FREM1: variants seen among roughly 807,000 people sequenced by gnomAD.
FREM1 encodes the protein FRAS1-related extracellular matrix protein 1.
Under a neutral mutation model 210.1 loss-of-function variants are expected in FREM1, and 220 were observed. That is an observed-to-expected ratio of 1.05 (90% confidence interval 0.94 to 1.17). The LOEUF (loss-of-function observed/expected upper bound fraction) is 1.17. Ranked by LOEUF, FREM1 falls within the 50% of genes most tolerant of loss-of-function variation. The probability of loss-of-function intolerance (pLI) is 0.00; values close to 1 mark genes in which losing one functional copy is unlikely to be tolerated. For missense variants in FREM1, 3,454 were observed against 2,675.5 expected, an observed-to-expected ratio of 1.29 and a Z score of -6.42; for synonymous variants, 1,189 against 980.2, an observed-to-expected ratio of 1.21 and a Z score of -3.98.
At chr9:14,747,588 A>G in intron 32 of FREM1, 93 bp downstream of exon 32, 2 of 1,016,630 alleles carry the variant, frequency 2.0e-6, no homozygotes, top group East Asian at 5.5e-5. Context: ...TTTTAAGAGA[A>G]ATGTATAAAT....
rs775433804 is a variant in FREM1 at position 14,740,206 on chromosome 9, A to G, written c.6283T>C (p.Ser2095Pro). ...CAGAGCCACCGCATGTGCTGCCTGG[A>G]GAATACAGTTACAAGGTTGCCCAGG... Reference protein sequence around the residue: ...QYLGNLVTVFSRQHMRWLWDI... With the variant: ...QYLGNLVTVFPRQHMRWLWDI... The change falls in exon 36 of 37, where the codon TCC (serine) becomes CCC (proline). Residue 2095 changes from serine (S) to proline (P), a missense_variant. Transcript: ENST00000380880. 3 of 1,613,302 alleles carry G rather than the reference A, an allele frequency of 1.9e-6. No homozygotes were observed. In the South Asian group the frequency reaches 3.3e-5, roughly 18 times the overall value.
At chr9:14,844,020 A>G (rs1461334357) in intron 8 of FREM1, among the ~76,000 whole-genome samples, 1 of 152,208 alleles carries the variant, frequency 6.6e-6, no homozygotes, top group Non-Finnish European at 1.5e-5. Context: ...ATCTAATATC[A>G]TAAAGTTGAT....
intron 19 of FREM1, among the ~76,000 whole-genome samples, chr9:14,802,801 G>C (rs1268565937): frequency 2.0e-5 from 3 of 152,124 alleles, no homozygotes; most frequent in African/African-American, 7.2e-5. Flanking sequence ...ACCCAAGTCA[G>C]GTAAGACTGC....
chr9:14,823,188 A>T lies in FREM1; in HGVS notation c.2309T>A (p.Ile770Asn). The change falls in exon 13 of 37, where the codon ATC (isoleucine) becomes AAC (asparagine). Residue 770 changes from isoleucine to asparagine, a missense_variant. Physicochemically the swap from Ile to Asn is moderately radical, Grantham distance 149. Coordinates refer to ENST00000380880, the MANE Select transcript of FREM1 (RefSeq NM_001379081.2). ...TLHGICFNIT[I>N]LPVDNQVPEA... The stretch of plus-strand genomic sequence containing the variant: ...AGGAACTTGATTGTCCACTGGGAGG[A>T]TTGTAATGTTAAAGCAGATCCCATG... 6.2e-7 allele frequency: 1 copy of T among 1,613,766 alleles called. No homozygotes were observed. The highest frequency in any genetic ancestry group is 8.5e-7 in the Non-Finnish European group (1 of 1,179,794).
chr9:14,839,571 A>T (rs1825267511), intron 10 of FREM1, among the ~76,000 whole-genome samples: 1 of 152,194 alleles, frequency 6.6e-6, no homozygotes, highest in African/African-American at 2.4e-5. Flanking sequence ...AAACCTATCC[A>T]TCACAGGGAA....
intron 1 of FREM1, among the ~76,000 whole-genome samples, chr9:14,895,758 A>G (rs894937572): frequency 6.6e-6 from 1 of 151,986 alleles, no homozygotes; most frequent in Non-Finnish European, 1.5e-5. Flanking sequence ...GTGGCCCTTG[A>G]CATACTGACG....
chr9:14,812,693 T>C (rs1391961800), intron 16 of FREM1, 119 bp downstream of exon 16: 8 of 1,025,296 alleles, frequency 7.8e-6, no homozygotes, highest in Non-Finnish European at 9.8e-6. Context: ...AGGCTGCAGC[T>C]GCTTCTTGTT....
chr9:14,767,650 C>T (rs1846678412), intron 27 of FREM1, among the ~76,000 whole-genome samples: 1 of 152,090 alleles, frequency 6.6e-6, no homozygotes, highest in Non-Finnish European at 1.5e-5. Flanking sequence ...GGAAGATGAA[C>T]CACTATTCAT....
intron 23 of FREM1, among the ~76,000 whole-genome samples, chr9:14,785,929 CACT>C (rs959304822): frequency 1.3e-4 from 20 of 151,962 alleles, no homozygotes; most frequent in African/African-American, 4.4e-4. Context: ...CATAATTCAC[CACT>C]ATTTTTTTTA....
chr9:14,821,734 G>A lies in FREM1; in HGVS notation c.2337+1426C>T, dbSNP rs550358629. Among the ~76,000 whole-genome samples, 14 of 152,348 alleles carry A rather than the reference G, an allele frequency of 9.2e-5. No individual in the cohort carries two copies. In the South Asian group the frequency reaches 2.9e-3, roughly 32 times the overall value. On this transcript the variant is annotated intron_variant, in intron 13 of 36. Coordinates refer to ENST00000380880, the MANE Select transcript of FREM1 (RefSeq NM_001379081.2). ...CCAGTGATAGAAATAAGTGTGGTGA[G>A]TTGGATGGGGGCTTAGATGGTCTGG...
At chr9:14,840,311 G>A (rs1191150939) in intron 10 of FREM1, among the ~76,000 whole-genome samples, 2 of 152,122 alleles carry the variant, frequency 1.3e-5, no homozygotes, top group African/African-American at 2.4e-5. Flanking sequence ...CAAAATGTAC[G>A]TACATAGTAG....
rs201975489 is a variant in FREM1, at chr9:14,748,654, G to C, written c.5558-15C>G. 23 of 1,541,204 alleles carry C rather than the reference G, an allele frequency of 1.5e-5. No individual in the cohort carries two copies. The African/African-American group carries it at 2.2e-4, about 15-fold the overall frequency. ...ATGGCATTGTCCTGGAGGCATGCAAGATGGCAGGCGGTCAGTTCATTTTAC... is the reference window on the plus strand; with the variant it reads ...ATGGCATTGTCCTGGAGGCATGCAACATGGCAGGCGGTCAGTTCATTTTAC... On this transcript the variant is annotated splice_polypyrimidine_tract_variant and intron_variant, in intron 30 of 36. Coordinates refer to ENST00000380880, the MANE Select transcript of FREM1 (RefSeq NM_001379081.2).
intron 1 of FREM1, among the ~76,000 whole-genome samples, chr9:14,898,820 T>G (rs532693824): frequency 6.6e-6 from 1 of 152,148 alleles, no homozygotes; most frequent in South Asian, 2.1e-4. Flanking sequence ...ATAATAATAA[T>G]TGCTCATCCA....
intron 1 of FREM1, among the ~76,000 whole-genome samples, chr9:14,884,189 A>G (rs1835353473): frequency 6.6e-6 from 1 of 152,178 alleles, no homozygotes; most frequent in South Asian, 2.1e-4. Flanking sequence ...AGATCGCGCC[A>G]CTGCACTCCA....
chr9:14,737,587 C>T lies in FREM1; in HGVS notation c.6349G>A (p.Asp2117Asn), dbSNP rs775059334. 20 of 1,559,642 alleles carry T rather than the reference C, an allele frequency of 1.3e-5. No individual in the cohort carries two copies. The Admixed American group carries it at 1.8e-4, about 14-fold the overall frequency. Residue 2117 changes from aspartate (D) to asparagine (N), a missense_variant, in exon 37 of 37, where the codon GAC (aspartate) becomes AAC (asparagine). Coordinates refer to ENST00000380880, the MANE Select transcript of FREM1 (RefSeq NM_001379081.2). ...GRKSFWIGLN[D>N]QVHAGHWEWI... is the part of the protein sequence containing the mutation. The stretch of plus-strand genomic sequence containing the variant: ...TCCCAGTGGCCAGCATGCACTTGGT[C>T]GTTCAAACCTAATGTGAACCAAAAG...
At position 14,863,913 on chromosome 9, in the gene FREM1, A is replaced by T. The variant is rs1240079917; in HGVS notation, c.235-10T>A. The T allele has an allele frequency of 6.5e-7, 1 of 1,540,138 alleles. No individual in the cohort carries two copies. Among genetic ancestry groups the T allele is most frequent in the Non-Finnish European group, 9.0e-7 (1 of 1,113,400 alleles). On this transcript the variant is annotated splice_polypyrimidine_tract_variant and intron_variant, in intron 2 of 36. Transcript: ENST00000380880. ...AATGGCAGTCAAAGACCTAGTTCAC[A>T]TGAAGAATTGGATAAATATCTATGA... is the stretch of plus-strand genomic sequence containing the variant.
In FREM1 at chr9:14,801,748, C is replaced by G. The variant is rs372956703; in HGVS notation, c.3598G>C (p.Gly1200Arg). ...KPRHGLLIDR[G>R]FSKDFSENKQ... ...TTCTCAGAGAAGTCTTTGCTAAACC[C>G]CCTATCGATGAGGAGGCCATGGCGT... The change falls in exon 20 of 37, where the codon GGG becomes CGG. Residue 1200 changes from glycine (G) to arginine (R), a missense_variant. By Grantham distance (125) the Gly-to-Arg change is moderately radical. Transcript: ENST00000380880. 1 of 1,613,798 alleles carries G rather than the reference C, an allele frequency of 6.2e-7. No homozygotes were observed. Among genetic ancestry groups the G allele is most frequent in the Admixed American group, 1.7e-5 (1 of 60,006 alleles).
intron 25 of FREM1, among the ~76,000 whole-genome samples, chr9:14,772,320 A>C (rs919222703): frequency 7.2e-5 from 11 of 152,194 alleles, no homozygotes; most frequent in Non-Finnish European, 1.5e-4. Context: ...GGGGATTTAT[A>C]AACCATCTCG....
intron 28 of FREM1, among the ~76,000 whole-genome samples, chr9:14,758,437 A>G (rs1844824665): frequency 6.6e-6 from 1 of 152,064 alleles, no homozygotes; most frequent in African/African-American, 2.4e-5. Flanking sequence ...TCCATAAGCA[A>G]TCTTCTGGAA....
Sources: allele counts gnomAD v4.1 joint callset (sites outside exome capture counted in the v4.1 genomes callset), GRCh38; gene constraint gnomAD v4.1.1; transcripts MANE v1.5; gene names NCBI Gene and HGNC (gene_info 2026-07-23, HGNC 2026-07-21).